Variants in FNDC3A observed in about 807,000 individuals in gnomAD.
FNDC3A encodes fibronectin type-III domain-containing protein 3A.
FNDC3A carries 32 observed loss-of-function variants against 148.9 expected under a neutral mutation model. The ratio of observed to expected loss-of-function variants is 0.21; its 90% CI spans 0.16 to 0.29. The LOEUF (loss-of-function observed/expected upper bound fraction) is 0.29, where lower values mean the gene tolerates loss of function less well. Ranked by LOEUF, FNDC3A falls within the 10% of genes least tolerant of loss-of-function variation. The pLI, the probability that FNDC3A is intolerant of heterozygous loss-of-function variation, is 1.00. For synonymous variants in FNDC3A, 472 were observed against 473.6 expected, an observed-to-expected ratio of 1.00 and a Z score of 0.04; for missense variants, 1,191 against 1,452.8, an observed-to-expected ratio of 0.82 and a Z score of 2.93.
At chr13:48,979,287 G>A (rs1306688512) in intron 1 of FNDC3A, among the ~76,000 whole-genome samples, 1 of 152,154 alleles carries the variant, frequency 6.6e-6, no homozygotes, top group Non-Finnish European at 1.5e-5. Context: ...TAGACTAATA[G>A]TATCATTAGC....
intron 8 of FNDC3A, among the ~76,000 whole-genome samples, chr13:49,164,146 T>G (rs754399155): frequency 5.9e-5 from 9 of 152,192 alleles, no homozygotes; most frequent in Non-Finnish European, 1.3e-4. Context: ...TTATGAAACA[T>G]AACTTTGTTG....
chr13:49,144,776 A>G (rs1224591035), intron 7 of FNDC3A, among the ~76,000 whole-genome samples: 1 of 152,222 alleles, frequency 6.6e-6, no homozygotes, highest in Admixed American at 6.5e-5. Flanking sequence ...CAATTGGTAC[A>G]TTTGTACAGT....
chr13:49,088,983 G>A (rs1878999809), intron 3 of FNDC3A, among the ~76,000 whole-genome samples: 1 of 152,204 alleles, frequency 6.6e-6, no homozygotes, highest in Admixed American at 6.5e-5. Flanking sequence ...ATCCAAAATA[G>A]TCAAATTCAT....
intron 8 of FNDC3A, among the ~76,000 whole-genome samples, chr13:49,163,632 G>T (rs1229313421): frequency 6.6e-6 from 1 of 152,118 alleles, no homozygotes; most frequent in African/African-American, 2.4e-5. Context: ...CACTCCTTGG[G>T]CTGCACCCAC....
In FNDC3A at chr13:49,209,079, A is replaced by T. The variant is rs78036026; in HGVS notation, c.*1684A>T. The T allele has an allele frequency of 0.014, 2,178 of 152,710 alleles. 44 individuals are homozygous for T. Among genetic ancestry groups the T allele is most frequent in the East Asian group, 0.08 (416 of 5,182 alleles). 9.5% of individuals were successfully genotyped at this position (152,710 alleles called of 1,614,324 possible). On this transcript the variant is annotated 3_prime_UTR_variant, in exon 26 of 26. Transcript: ENST00000492622. ...GTATGTTTACATTTTATTTAAATTTAATCTCTTATGTATAGGGTGATAACC... is the reference window on the plus strand; with the variant it reads ...GTATGTTTACATTTTATTTAAATTTTATCTCTTATGTATAGGGTGATAACC...
intron 3 of FNDC3A, among the ~76,000 whole-genome samples, chr13:49,096,107 T>G (rs1879508073): frequency 6.6e-6 from 1 of 152,154 alleles, no homozygotes; most frequent in Non-Finnish European, 1.5e-5. Context: ...AGTTTCTTCC[T>G]GTATCTAGAG....
At chr13:48,980,413 G>A (rs1404670804) in intron 1 of FNDC3A, among the ~76,000 whole-genome samples, 2 of 152,040 alleles carry the variant, frequency 1.3e-5, no homozygotes, top group East Asian at 3.8e-4. Context: ...CAAGCAGTTG[G>A]ACATTCTGCA....
intron 5 of FNDC3A, among the ~76,000 whole-genome samples, chr13:49,132,715 C>T (rs926826600): frequency 2.6e-5 from 4 of 152,226 alleles, no homozygotes; most frequent in African/African-American, 9.6e-5. Flanking sequence ...TTCAAAACCA[C>T]CAAGTTCTTT....
chr13:49,056,308 A>G (rs1159977687), intron 2 of FNDC3A, among the ~76,000 whole-genome samples: 2 of 152,164 alleles, frequency 1.3e-5, no homozygotes, highest in Non-Finnish European at 2.9e-5. Flanking sequence ...ATCAGCCACC[A>G]TAACTGGCCA....
At chr13:49,058,606 C>T (rs556916059) in intron 2 of FNDC3A, among the ~76,000 whole-genome samples, 1 of 152,124 alleles carries the variant, frequency 6.6e-6, no homozygotes, top group Non-Finnish European at 1.5e-5. Context: ...GGCGGTCTTC[C>T]GTAAGCCAAA....
intron 8 of FNDC3A, chr13:49,146,870 T>TA (rs1183898879): frequency 2.0e-5 from 3 of 152,198 alleles, no homozygotes; most frequent in African/African-American, 7.2e-5. Flanking sequence ...ATTATTCTAA[T>TA]AAAAAAGGGT....
intron 1 of FNDC3A, among the ~76,000 whole-genome samples, chr13:48,991,392 A>G (rs1050657807): frequency 2.6e-5 from 4 of 152,188 alleles, no homozygotes; most frequent in Admixed American, 6.5e-5. Flanking sequence ...ATATGCATCT[A>G]GTATAGGAAC....
intron 1 of FNDC3A, among the ~76,000 whole-genome samples, chr13:48,995,454 A>G (rs190506091): frequency 5.4e-4 from 82 of 152,300 alleles, no homozygotes; most frequent in African/African-American, 1.6e-3. Flanking sequence ...TAGATTAAGC[A>G]TAAATCTTTT....
intron 23 of FNDC3A, among the ~76,000 whole-genome samples, chr13:49,200,773 T>C (rs1218472150): frequency 6.6e-6 from 1 of 152,130 alleles, no homozygotes; most frequent in East Asian, 1.9e-4. Flanking sequence ...TTAAGTTTAA[T>C]GCACACATTT....
In FNDC3A at chr13:49,019,783, C is replaced by G. The variant is rs151121701; in HGVS notation, c.99+13494C>G. On this transcript the variant is annotated intron_variant, in intron 2 of 25. Transcript: ENST00000492622. ...GTCTGTGTTCATGAGTGAGACTGTC[C>G]TATAATGGGCATTTCCCTAATATCC... 5.5e-3 allele frequency among the ~76,000 whole-genome samples: 843 copies of G among 152,216 alleles called. 7 individuals carry two copies. Among genetic ancestry groups the G allele is most frequent in the Non-Finnish European group, 6.1e-3 (416 of 68,016 alleles).
At chr13:49,019,799 C>A (rs1201131214) in intron 2 of FNDC3A, among the ~76,000 whole-genome samples, 1 of 152,066 alleles carries the variant, frequency 6.6e-6, no homozygotes, top group East Asian at 1.9e-4. Flanking sequence ...TGGGCATTTC[C>A]CTAATATCCT....
At chr13:49,171,074 A>G (rs919931598) in intron 10 of FNDC3A, among the ~76,000 whole-genome samples, 1 of 152,140 alleles carries the variant, frequency 6.6e-6, no homozygotes, top group East Asian at 1.9e-4. Flanking sequence ...TTCATTTTTA[A>G]CTGCCACTAC....
intron 25 of FNDC3A, among the ~76,000 whole-genome samples, chr13:49,204,648 G>A (rs187336421): frequency 1.6e-4 from 25 of 152,282 alleles, no homozygotes; most frequent in Middle Eastern, 3.4e-3. Context: ...TGTATTACAC[G>A]TTTAAAGGAA....
At chr13:49,013,830 G>C (rs569907817) in intron 2 of FNDC3A, among the ~76,000 whole-genome samples, 1 of 148,624 alleles carries the variant, frequency 6.7e-6, no homozygotes, top group African/African-American at 2.5e-5. Context: ...TCCCACCTAT[G>C]AGTGAGAATA....
Sources: allele counts gnomAD v4.1 joint callset (sites outside exome capture counted in the v4.1 genomes callset), GRCh38; gene constraint gnomAD v4.1.1; transcripts MANE v1.5; gene names NCBI Gene and HGNC (gene_info 2026-07-23, HGNC 2026-07-21).